The following PCDH15 variants were observed in gnomAD, a reference collection of about 807,000 sequenced individuals.
PCDH15 encodes the protein protocadherin related 15.
PCDH15 carries 129 observed loss-of-function variants against 178.5 expected under a neutral mutation model. The ratio of observed to expected loss-of-function variants is 0.72; its 90% confidence interval spans 0.63 to 0.84. The LOEUF is 0.84. Ranked by LOEUF, PCDH15 falls within the 40% of genes least tolerant of loss-of-function variation. The pLI, the probability that PCDH15 is intolerant of heterozygous loss-of-function variation, is 0.00. For synonymous variants in PCDH15, 800 were observed against 732.0 expected (o/e 1.09, Z -1.50); for missense variants, 2,230 against 2,099.9 (o/e 1.06, Z -1.21).
intron 3 of PCDH15, among the ~76,000 whole-genome samples, chr10:54,521,275 C>A (rs1159361769): frequency 6.6e-6 from 1 of 152,094 alleles, no homozygotes; most frequent in Non-Finnish European, 1.5e-5. Context: ...AATATTTACT[C>A]TGACTGTTGT....
intron 1 of PCDH15, among the ~76,000 whole-genome samples, chr10:55,259,134 T>C (rs1842085325): frequency 6.6e-6 from 1 of 152,158 alleles, no homozygotes; most frequent in Admixed American, 6.5e-5. Context: ...GCTTTCTGTG[T>C]GGCTAGCAGC....
At chr10:55,235,313 C>T (rs1033111931) in intron 1 of PCDH15, among the ~76,000 whole-genome samples, 1 of 152,016 alleles carries the variant, frequency 6.6e-6, no homozygotes, top group African/African-American at 2.4e-5. Flanking sequence ...CTCATATTTT[C>T]TCCTAGTAAA....
chr10:55,193,199 G>A (rs1269861807), intron 1 of PCDH15, among the ~76,000 whole-genome samples: 3 of 151,730 alleles, frequency 2.0e-5, no homozygotes, highest in East Asian at 1.9e-4. Flanking sequence ...ATTCTAGGGT[G>A]GCTTACGATA....
chr10:54,150,206 G>A (rs78395651), intron 14 of PCDH15, among the ~76,000 whole-genome samples: 151 of 152,092 alleles, frequency 9.9e-4, no homozygotes, highest in African/African-American at 2.6e-3. Flanking sequence ...GGTAATGGGC[G>A]TTATAATTAT....
chr10:54,166,408 C>A (rs893038884), intron 13 of PCDH15, among the ~76,000 whole-genome samples: 1 of 152,142 alleles, frequency 6.6e-6, no homozygotes, highest in Non-Finnish European at 1.5e-5. Flanking sequence ...GTACGAATCA[C>A]CTAAAAATCT....
intron 2 of PCDH15, among the ~76,000 whole-genome samples, chr10:55,566,366 C>T (rs1438363597): frequency 3.3e-5 from 5 of 151,312 alleles, no homozygotes; most frequent in South Asian, 4.2e-4. Flanking sequence ...CATAGTCAAT[C>T]GTGAAAAACT....
chr10:54,051,254 C>A (rs899623892), intron 18 of PCDH15, among the ~76,000 whole-genome samples: 6 of 152,140 alleles, frequency 3.9e-5, no homozygotes, highest in African/African-American at 1.4e-4. Flanking sequence ...CAGGCAGAGG[C>A]TGGAACAGTT....
At chr10:55,391,469 C>A (rs528203957) in intron 2 of PCDH15, among the ~76,000 whole-genome samples, 1 of 151,730 alleles carries the variant, frequency 6.6e-6, no homozygotes, top group Admixed American at 6.6e-5. Flanking sequence ...CTTGCATTCA[C>A]TAAAGTAGCA....
At chr10:54,956,788 T>C (rs956384792) in intron 2 of PCDH15, among the ~76,000 whole-genome samples, 2 of 151,700 alleles carry the variant, frequency 1.3e-5, no homozygotes, top group Admixed American at 6.6e-5. Context: ...ATAGTTGACA[T>C]TGAGAAATAT....
chr10:55,071,409 A>C (rs1274065609), intron 2 of PCDH15, among the ~76,000 whole-genome samples: 1 of 152,144 alleles, frequency 6.6e-6, no homozygotes, highest in Admixed American at 6.6e-5. Context: ...AAGATCTACC[A>C]AGCAAATGGA....
At chr10:55,546,263 G>A (rs1187783296) in intron 2 of PCDH15, among the ~76,000 whole-genome samples, 1 of 151,980 alleles carries the variant, frequency 6.6e-6, no homozygotes, top group African/African-American at 2.4e-5. Flanking sequence ...TGATATTTCC[G>A]ACTGTTGCTG....
chr10:55,054,294 T>C (rs904720631), intron 2 of PCDH15, among the ~76,000 whole-genome samples: 2 of 152,206 alleles, frequency 1.3e-5, no homozygotes, highest in Non-Finnish European at 2.9e-5. Flanking sequence ...TTTCTGTTCC[T>C]GCATGAGTTT....
intron 26 of PCDH15, among the ~76,000 whole-genome samples, chr10:53,882,953 G>A (rs1031592403): frequency 6.6e-6 from 1 of 151,928 alleles, no homozygotes; most frequent in African/African-American, 2.4e-5. Context: ...AATGGACCAA[G>A]GAATACAAAA....
At chr10:54,534,469 G>A (rs557102680) in intron 2 of PCDH15, among the ~76,000 whole-genome samples, 12 of 152,292 alleles carry the variant, frequency 7.9e-5, no homozygotes, top group Non-Finnish European at 1.8e-4. Context: ...GGTTCTCACA[G>A]TCCTCTACTG....
chr10:54,742,449 T>C (rs1302878864), intron 1 of PCDH15, among the ~76,000 whole-genome samples: 1 of 151,996 alleles, frequency 6.6e-6, no homozygotes, highest in Non-Finnish European at 1.5e-5. Context: ...TCTACCTAAA[T>C]GGAATGATGA....
At chr10:54,136,641 A>G (rs1337586286) in intron 14 of PCDH15, among the ~76,000 whole-genome samples, 1 of 152,188 alleles carries the variant, frequency 6.6e-6, no homozygotes, top group Non-Finnish European at 1.5e-5. Context: ...GTAGAGGGTT[A>G]AAGTGAGACA....
In PCDH15 at chr10:55,291,791, G is replaced by T. The variant is rs139392150; in HGVS notation, c.-156+27808C>A. ...TTTAATGGACTTACAGTGCCACATG[G>T]CTGGGGAAGTCTCATGATCATGGCA... On this transcript the variant is annotated intron_variant, in intron 1 of 5. Transcript: ENST00000458638. Among the ~76,000 whole-genome samples the T allele has an allele frequency of 8.9e-4, 136 of 152,250 alleles. 1 individual carries two copies. Among genetic ancestry groups the T allele is most frequent in the African/African-American group, 3.2e-3 (132 of 41,560 alleles).
chr10:54,564,613 G>C (rs188688069), intron 2 of PCDH15, among the ~76,000 whole-genome samples: 1 of 152,162 alleles, frequency 6.6e-6, no homozygotes, highest in Admixed American at 6.5e-5. Flanking sequence ...GTGTGAATTA[G>C]GTGGCAAATT....
At chr10:53,807,266 G>A (rs1841248183) in intron 37 of PCDH15, 136 bp from the exon 38 acceptor site, 1 of 655,860 alleles carries the variant, frequency 1.5e-6, no homozygotes, top group Non-Finnish European at 2.5e-6. Context: ...ATAGAAGGAA[G>A]CCAGTCTTTA....
Sources: gnomAD v4.1 joint callset for allele counts (sites outside exome capture counted in the v4.1 genomes callset) on GRCh38, gnomAD v4.1.1 for gene constraint, MANE v1.5 for transcripts, NCBI Gene and HGNC (gene_info 2026-07-23, HGNC 2026-07-21) for gene names.